ASH1L: variants seen among roughly 807,000 people sequenced by gnomAD.
ASH1L encodes ASH1 like histone lysine methyltransferase.
In ASH1L, 23 loss-of-function variants were observed where a neutral mutation model predicts 269.0. The observed-to-expected ratio is 0.09, with a 90% CI of 0.06 to 0.12. ASH1L has a LOEUF of 0.12. Among genes scored for constraint, ASH1L ranks in the 10% least tolerant of loss-of-function variants. The pLI is 1.00. For synonymous variants in ASH1L, 1,187 were observed against 1,253.5 expected (o/e 0.95, Z 1.12); for missense variants, 2,912 against 3,567.8 (o/e 0.82, Z 4.68).
intron 2 of ASH1L, among the ~76,000 whole-genome samples, chr1:155,500,798 G>C (rs1667450107): frequency 6.6e-6 from 1 of 152,040 alleles, no homozygotes; most frequent in Admixed American, 6.6e-5. Flanking sequence ...GCGAAACCCT[G>C]TCTCTACTAA....
At chr1:155,537,754 A>T (rs571432322) in intron 1 of ASH1L, among the ~76,000 whole-genome samples, 11 of 150,022 alleles carry the variant, frequency 7.3e-5, no homozygotes, top group African/African-American at 2.7e-4. Flanking sequence ...TTTTTTTTTT[A>T]AAAAAAGCTG....
chr1:155,410,700 G>A (rs533727385), intron 6 of ASH1L, among the ~76,000 whole-genome samples: 21 of 139,704 alleles, frequency 1.5e-4, no homozygotes, highest in Admixed American at 7.4e-4. Context: ...TACATTTGTC[G>A]AAACCCATAG....
intron 1 of ASH1L, among the ~76,000 whole-genome samples, chr1:155,546,098 C>A (rs1344403808): frequency 1.4e-5 from 2 of 144,630 alleles, no homozygotes; most frequent in Non-Finnish European, 3.0e-5. Flanking sequence ...ATGGAGGCTG[C>A]AGTGAGCTGA....
At chr1:155,411,803 G>A (rs1382231539) in intron 6 of ASH1L, among the ~76,000 whole-genome samples, 2 of 150,684 alleles carry the variant, frequency 1.3e-5, no homozygotes, top group South Asian at 2.1e-4. Flanking sequence ...ACTCCAGAGA[G>A]GGTCCTGCCC....
intron 12 of ASH1L, chr1:155,370,208 C>T (rs1209769407): frequency 5.2e-6 from 2 of 384,998 alleles, no homozygotes; most frequent in African/African-American, 4.0e-5. Flanking sequence ...TGGCTATCAT[C>T]ATCATCATTA....
At position 155,426,702 on chromosome 1, in the gene ASH1L, T is replaced by C. The variant is rs560890080; in HGVS notation, c.5829-10779A>G. 1.8e-4 allele frequency among the ~76,000 whole-genome samples: 27 copies of C among 152,346 alleles called. 1 individual carries two copies. Among genetic ancestry groups the C allele is most frequent in the African/African-American group, 5.8e-4 (24 of 41,590 alleles). On this transcript the variant is annotated intron_variant, in intron 5 of 27. Coordinates refer to ENST00000392403, the MANE Select transcript of ASH1L (RefSeq NM_018489.3). ...ACAAATATTTTATCCGTTCATGACA[T>C]ACTTTTTAATTTTTTTGACTATTTC...
chr1:155,539,859 C>T (rs530848924), intron 1 of ASH1L, among the ~76,000 whole-genome samples: 2 of 151,746 alleles, frequency 1.3e-5, no homozygotes, highest in Non-Finnish European at 2.9e-5. Flanking sequence ...ATTTTGAGAC[C>T]AGCCTGGGCA....
chr1:155,357,353 G>A lies in ASH1L; in HGVS notation c.7018C>T (p.Pro2340Ser). Residue 2340 changes from proline (P) to serine (S), a missense_variant, in exon 15 of 28, where the codon CCC becomes TCC. By Grantham distance (74) the Pro-to-Ser change is moderately conservative. This residue lies in a region of ASH1L where 309 missense variants were observed against 435.1 expected (regional missense o/e 0.71). Coordinates refer to ENST00000392403, the MANE Select transcript of ASH1L (RefSeq NM_018489.3). ...ENINTPTRLT[P>S]QLQMKPMSNR... Reference sequence around the variant, plus strand: ...GACATTGGCTTCATCTGTAATTGGGGGGTCAATCTAGTTGGGGTGTTGATA... The same window carrying A: ...GACATTGGCTTCATCTGTAATTGGGAGGTCAATCTAGTTGGGGTGTTGATA... The A allele has an allele frequency of 1.2e-6, 2 of 1,613,722 alleles. No individual in the cohort carries two copies. Among genetic ancestry groups the A allele is most frequent in the Non-Finnish European group, 1.7e-6 (2 of 1,179,924 alleles).
rs758511149 is a variant in ASH1L, at chr1:155,478,490, G to C, written c.4380C>G (p.Leu1460=). 3.0e-5 allele frequency: 48 copies of C among 1,614,034 alleles called. No individual in the cohort carries two copies. In the South Asian group the frequency reaches 5.2e-4, roughly 17 times the overall value. Reference sequence around the variant, plus strand: ...CACTGGGGTAGGTACTCATGGAAAGGAGGGGAGTCCTGCTGGTTGTAAGAA... The same window carrying C: ...CACTGGGGTAGGTACTCATGGAAAGCAGGGGAGTCCTGCTGGTTGTAAGAA... ...EAFLTTSRTP[L]LSMSTYPSVP... The change falls in exon 3 of 28, where the codon CTC becomes CTG. Residue 1460 remains leucine, a synonymous_variant. Coordinates refer to ENST00000392403, the MANE Select transcript of ASH1L (RefSeq NM_018489.3). The surrounding 1 kb of genome is among the most constrained non-coding windows in gnomAD (Gnocchi z 4.6).
intron 12 of ASH1L, among the ~76,000 whole-genome samples, chr1:155,366,605 A>G (rs1655437596): frequency 2.6e-5 from 4 of 152,318 alleles, no homozygotes; most frequent in Middle Eastern, 3.4e-3. Context: ...TAGAGGTCCT[A>G]CAAACTTTCA....
At chr1:155,438,290 TTCCTC>T (rs773149908) in intron 5 of ASH1L, 32 bp downstream of exon 5, 234 of 1,499,772 alleles carry the variant, frequency 1.6e-4, no homozygotes, top group Non-Finnish European at 1.9e-4. Flanking sequence ...CAAAGCTAGT[TTCCTC>T]TACTCAGATA....
rs367688627 is a variant in ASH1L, at chr1:155,478,566, T to C, written c.4304A>G (p.Asn1435Ser). The change falls in exon 3 of 28, where the codon AAT becomes AGT. Residue 1435 changes from asparagine to serine, a missense_variant. Physicochemically the swap from Asn to Ser is conservative, Grantham distance 46. This residue lies in a region of ASH1L where 789 missense variants were observed against 897.6 expected (regional missense o/e 0.88). Coordinates refer to ENST00000392403, the MANE Select transcript of ASH1L (RefSeq NM_018489.3). This position sits in a 1 kb window ranked among gnomAD's most constrained non-coding sequence, Gnocchi z 4.6. ...SYMHAGHLLL[N>S]PAKYHKKKHK... ...CTTTTTCTTATGGTATTTGGCAGGA[T>C]TGAGAAGTAAATGACCAGCATGCAT... The C allele has an allele frequency of 7.0e-5, 113 of 1,613,694 alleles. No homozygotes were observed. Among genetic ancestry groups the C allele is most frequent in the Non-Finnish European group, 8.7e-5 (103 of 1,179,984 alleles).
intron 10 of ASH1L, among the ~76,000 whole-genome samples, chr1:155,371,381 C>T (rs1375719692): frequency 6.6e-6 from 1 of 152,024 alleles, no homozygotes; most frequent in Non-Finnish European, 1.5e-5. Flanking sequence ...AACCCTGTCT[C>T]TACTAAAAAT....
At chr1:155,500,293 A>G (rs1378327838) in intron 2 of ASH1L, among the ~76,000 whole-genome samples, 3 of 152,224 alleles carry the variant, frequency 2.0e-5, no homozygotes, top group Admixed American at 6.5e-5. Flanking sequence ...GATCCAGGAT[A>G]ATTTGCATAA....
chr1:155,399,783 T>A (rs1008947533), intron 6 of ASH1L, among the ~76,000 whole-genome samples: 5 of 151,956 alleles, frequency 3.3e-5, no homozygotes, highest in Non-Finnish European at 7.4e-5. Context: ...AAAAGATAAA[T>A]GGGATTTTGA....
intron 3 of ASH1L, among the ~76,000 whole-genome samples, chr1:155,460,153 A>G (rs1303621970): frequency 6.6e-6 from 1 of 152,226 alleles, no homozygotes; most frequent in African/African-American, 2.4e-5. Flanking sequence ...ATTTTAATGG[A>G]AGAATAAACA....
chr1:155,480,803 T>G lies in ASH1L; in HGVS notation c.2067A>C (p.Ala689=). 1 of 1,614,048 alleles carries G rather than the reference T, an allele frequency of 6.2e-7. No homozygotes were observed. Among genetic ancestry groups the G allele is most frequent in the Non-Finnish European group, 8.5e-7 (1 of 1,179,992 alleles). ...KPFLKLGAVS[A]SDKHCQVAES... is the part of the protein sequence containing the mutation. ...CAGCAACTTGGCAGTGTTTGTCTGA[T>G]GCAGATACTGCACCCAGTTTTAAAA... The change falls in exon 3 of 28, where the codon GCA becomes GCC. Residue 689 remains alanine, a synonymous_variant. Transcript: ENST00000392403.
At chr1:155,400,434 A>G (rs1658734909) in intron 6 of ASH1L, among the ~76,000 whole-genome samples, 1 of 152,154 alleles carries the variant, frequency 6.6e-6, no homozygotes, top group Non-Finnish European at 1.5e-5. Flanking sequence ...ACATTAAATA[A>G]TATTTTGAAT....
intron 1 of ASH1L, among the ~76,000 whole-genome samples, chr1:155,554,282 T>C (rs546571000): frequency 1.3e-5 from 2 of 151,992 alleles, no homozygotes; most frequent in South Asian, 2.1e-4. Context: ...TATTTACTTT[T>C]TGTTTTGGAG....
Sources: gnomAD v4.1 joint callset for allele counts (sites outside exome capture counted in the v4.1 genomes callset) on GRCh38, gnomAD v4.1.1 for gene constraint, gnomAD v4.1.1 regional missense constraint, Gnocchi (gnomAD v3.1) non-coding constraint, MANE v1.5 for transcripts, NCBI Gene and HGNC (gene_info 2026-07-23, HGNC 2026-07-21) for gene names.